Variants in BICRAL observed in about 807,000 individuals in gnomAD.
The protein encoded by BICRAL is BRD4-interacting chromatin-remodeling complex-associated protein-like.
Under a neutral mutation model 91.8 loss-of-function variants are expected in BICRAL, and 8 were observed. That is an observed-to-expected ratio of 0.09 (90% CI 0.05 to 0.16). The LOEUF (loss-of-function observed/expected upper bound fraction) is 0.16, where lower values mean the gene tolerates loss of function less well. Among genes scored for constraint, BICRAL ranks in the 10% least tolerant of loss-of-function variants. BICRAL has a pLI of 1.00. For synonymous variants in BICRAL, 445 were observed against 491.1 expected (o/e 0.91, Z 1.24); for missense variants, 1,038 against 1,310.9 (o/e 0.79, Z 3.21).
chr6:42,788,589 G>T (rs771150699), intron 1 of BICRAL, among the ~76,000 whole-genome samples: 1 of 152,162 alleles, frequency 6.6e-6, no homozygotes, highest in African/African-American at 2.4e-5. Flanking sequence ...GCAAGACAAC[G>T]CAGTGTGGCA....
rs1267182703 is a variant in BICRAL at position 42,789,760 on chromosome 6, ATC to A, written c.-102+7663_-102+7664del. ...AGATTACTGAAACTAAAGAGAAAGT[ATC>A]TCTTCTTATCATGGTACCAAGCTTG... On this transcript the variant is annotated intron_variant, in intron 1 of 12. Transcript: ENST00000314073. Among the ~76,000 whole-genome samples the A allele has an allele frequency of 5.9e-5, 9 of 152,314 alleles. No individual in the cohort carries two copies. In the South Asian group the frequency reaches 1.0e-3, roughly 18 times the overall value.
chr6:42,765,155 A>G (rs950354956), intron 1 of BICRAL, among the ~76,000 whole-genome samples: 14 of 152,238 alleles, frequency 9.2e-5, no homozygotes, highest in African/African-American at 2.7e-4. Context: ...TTTGTGCTGC[A>G]GAGACTTTTC....
chr6:42,822,305 A>T (rs1357457349), intron 3 of BICRAL, among the ~76,000 whole-genome samples: 1 of 151,804 alleles, frequency 6.6e-6, no homozygotes, highest in Non-Finnish European at 1.5e-5. Flanking sequence ...CAGCAGCACA[A>T]TCTCAGCTCA....
rs772921433 is a variant in BICRAL, at chr6:42,792,308, A to AC, written c.-102+10210dup. Among the ~76,000 whole-genome samples the AC allele has an allele frequency of 2.3e-4, 35 of 152,110 alleles. 1 individual carries two copies. The highest frequency in any genetic ancestry group is 2.1e-3 in the South Asian group (10 of 4,812). On this transcript the variant is annotated intron_variant, in intron 1 of 12. Transcript: ENST00000314073. ...TTTTTTCTGAGACAGTATCTTGGTCACCCAGGGTTGAAGTCCAGTGGCGTG... is the reference window on the plus strand; with the variant it reads ...TTTTTTCTGAGACAGTATCTTGGTCACCCCAGGGTTGAAGTCCAGTGGCGTG...
intron 10 of BICRAL, among the ~76,000 whole-genome samples, chr6:42,857,545 G>A (rs1436222800): frequency 6.8e-6 from 1 of 146,454 alleles, no homozygotes; most frequent in Non-Finnish European, 1.5e-5. Context: ...CTATGATCAC[G>A]CCTGTAAATA....
rs1562490931 is a variant in BICRAL, at chr6:42,845,195, G to GGTTTTTTTTTTTTTT, written c.1840-6897_1840-6896insGTTTTTTTTTTTTTT. Among the ~76,000 whole-genome samples, 20 of 25,612 alleles carry GGTTTTTTTTTTTTTT rather than the reference G, an allele frequency of 7.8e-4. 5 individuals carry two copies. Among genetic ancestry groups the GGTTTTTTTTTTTTTT allele is most frequent in the South Asian group, 5.4e-3 (3 of 556 alleles). 16.8% of individuals were successfully genotyped at this position (25,612 alleles called of 152,430 possible). On this transcript the variant is annotated intron_variant, in intron 6 of 12. Transcript: ENST00000314073. The stretch of plus-strand genomic sequence containing the variant: ...CTTCTCTGTTTTTTGTTTTTTGGGT[G>GGTTTTTTTTTTTTTT]TTTTTTTTTTTTTTTTTTTTTTTTT...
At chr6:42,771,313 C>T (rs536798818) in intron 1 of BICRAL, among the ~76,000 whole-genome samples, 1 of 152,346 alleles carries the variant, frequency 6.6e-6, no homozygotes, top group South Asian at 2.1e-4. Flanking sequence ...GTACAATTCG[C>T]ACCGGAACTT....
intron 6 of BICRAL, among the ~76,000 whole-genome samples, chr6:42,837,022 G>A (rs1287223713): frequency 6.6e-5 from 10 of 151,696 alleles, no homozygotes; most frequent in Non-Finnish European, 1.0e-4. Context: ...TCGGCTCACT[G>A]CAAGCTCCGC....
At chr6:42,849,735 G>T (rs994910258) in intron 6 of BICRAL, among the ~76,000 whole-genome samples, 1 of 150,510 alleles carries the variant, frequency 6.6e-6, no homozygotes, top group Non-Finnish European at 1.5e-5. Context: ...CACTGCGCCC[G>T]GCCTAGAACA....
At position 42,829,894 on chromosome 6, in the gene BICRAL, G is replaced by C; in HGVS notation, c.1561G>C (p.Gly521Arg). 1 of 1,614,218 alleles carries C rather than the reference G, an allele frequency of 6.2e-7. No homozygotes were observed. Among genetic ancestry groups the C allele is most frequent in the South Asian group, 1.1e-5 (1 of 91,090 alleles). The change falls in exon 6 of 13, where the codon GGA (glycine) becomes CGA (arginine). Residue 521 changes from glycine to arginine, a missense_variant. By Grantham distance (125) the Gly-to-Arg change is moderately radical. Around this residue, in one of 5 missense-constraint regions of BICRAL, gnomAD observed 532 missense variants for 724.9 expected, o/e 0.73. Coordinates refer to ENST00000314073, the MANE Select transcript of BICRAL (RefSeq NM_001393499.1). ...LSPGQSSVSQ[G>R]RPGFATMPSV... ...ACCTGGGCAGAGCAGCGTTTCCCAA[G>C]GAAGACCTGGCTTCGCCACCATGCC...
intron 2 of BICRAL, among the ~76,000 whole-genome samples, chr6:42,815,760 G>T (rs1488485023): frequency 6.6e-6 from 1 of 151,616 alleles, no homozygotes; most frequent in Non-Finnish European, 1.5e-5. Context: ...GCCTGAGGTG[G>T]GCGGATCACC....
intron 1 of BICRAL, among the ~76,000 whole-genome samples, chr6:42,782,343 T>TTGG (rs1554275419): frequency 5.9e-5 from 1 of 17,050 alleles, no homozygotes. Context: ...TTTTTTTTTT[T>TTGG]GGGGGGGGGT....
rs1230249387 is a variant in BICRAL, at chr6:42,802,955, C to T, written c.-101-7351C>T. Among the ~76,000 whole-genome samples the T allele has an allele frequency of 2.0e-5, 3 of 152,110 alleles. No homozygotes were observed. The East Asian group carries it at 5.8e-4, about 29-fold the overall frequency. On this transcript the variant is annotated intron_variant, in intron 1 of 12. Transcript: ENST00000314073. ...TGCCCTCACACTCTCTTAGAAAACACAGTAAAGAAGTATAAAAACATTTTT... is the reference window on the plus strand; with the variant it reads ...TGCCCTCACACTCTCTTAGAAAACATAGTAAAGAAGTATAAAAACATTTTT...
At chr6:42,770,230 G>A (rs1429523330) in intron 1 of BICRAL, among the ~76,000 whole-genome samples, 1 of 151,536 alleles carries the variant, frequency 6.6e-6, no homozygotes, top group Non-Finnish European at 1.5e-5. Flanking sequence ...TTAGTTTTTT[G>A]TTTTCTTTTG....
chr6:42,776,248 A>G (rs1195723908), intron 1 of BICRAL, among the ~76,000 whole-genome samples: 2 of 152,038 alleles, frequency 1.3e-5, no homozygotes, highest in African/African-American at 2.4e-5. Flanking sequence ...TCTCTTGGCC[A>G]GGCTGGTCTT....
In BICRAL at chr6:42,829,438, A is replaced by G; in HGVS notation, c.1105A>G (p.Thr369Ala). The change falls in exon 6 of 13, where the codon ACA (threonine) becomes GCA (alanine). Residue 369 changes from threonine (T) to alanine (A), a missense_variant. Thr to Ala is a moderately conservative substitution (Grantham distance 58). Coordinates refer to ENST00000314073, the MANE Select transcript of BICRAL (RefSeq NM_001393499.1). ...TGTGAACATTGTAAACCAACAGAAC[A>G]CAAGAAAGCCAGTCACCTCACAGGC... Reference protein sequence around the residue: ...MSVNIVNQQNTRKPVTSQAVS... With the variant: ...MSVNIVNQQNARKPVTSQAVS... The G allele has an allele frequency of 1.2e-6, 2 of 1,614,228 alleles. No individual in the cohort carries two copies. Among genetic ancestry groups the G allele is most frequent in the Non-Finnish European group, 1.7e-6 (2 of 1,180,040 alleles).
chr6:42,747,812 T>TGG (rs746264450), intron 1 of BICRAL, among the ~76,000 whole-genome samples: 1 of 138,678 alleles, frequency 7.2e-6, no homozygotes, highest in African/African-American at 3.2e-5. Flanking sequence ...TTTGTTTTTT[T>TGG]TTTTTTTTTT....
At chr6:42,840,980 G>A (rs1316445026) in intron 6 of BICRAL, among the ~76,000 whole-genome samples, 4 of 149,228 alleles carry the variant, frequency 2.7e-5, no homozygotes, top group African/African-American at 9.9e-5. Flanking sequence ...GGAGGCTGAG[G>A]CACAAGATAG....
chr6:42,777,087 A>C (rs1217748962), upstream of BICRAL, among the ~76,000 whole-genome samples: 1 of 152,244 alleles, frequency 6.6e-6, no homozygotes. Flanking sequence ...CTCCCTATCC[A>C]GGAGGGAACA....
Sources: gnomAD v4.1 joint callset for allele counts (sites outside exome capture counted in the v4.1 genomes callset) on GRCh38, gnomAD v4.1.1 for gene constraint, gnomAD v4.1.1 regional missense constraint, MANE v1.5 for transcripts, NCBI Gene and HGNC (gene_info 2026-07-23, HGNC 2026-07-21) for gene names.